Variants in AGL observed in about 807,000 individuals in gnomAD.
The protein encoded by AGL is amylo-alpha-1,6-glucosidase and 4-alpha-glucanotransferase.
Under a neutral mutation model 199.3 loss-of-function variants are expected in AGL, and 128 were observed. The ratio of observed to expected loss-of-function variants is 0.64; its 90% confidence interval spans 0.56 to 0.74. The LOEUF (loss-of-function observed/expected upper bound fraction) is 0.74. Ranked by LOEUF, AGL falls within the 30% of genes least tolerant of loss-of-function variation. The pLI is 0.00. For synonymous variants in AGL, 584 were observed against 594.7 expected, an observed-to-expected ratio of 0.98 and a Z score of 0.26; for missense variants, 1,809 against 1,820.8, an observed-to-expected ratio of 0.99 and a Z score of 0.12.
chr1:99,857,140 C>T (rs562338981), intron 2 of AGL, among the ~76,000 whole-genome samples: 5 of 151,690 alleles, frequency 3.3e-5, no homozygotes, highest in African/African-American at 4.8e-5. Flanking sequence ...CCAGTAGGGG[C>T]GGCCGGGCAG....
At position 99,877,680 on chromosome 1, in the gene AGL, G is replaced by C; in HGVS notation, c.1463G>C (p.Gly488Ala). 1 of 1,614,018 alleles carries C rather than the reference G, an allele frequency of 6.2e-7. No homozygotes were observed. Among genetic ancestry groups the C allele is most frequent in the East Asian group, 2.2e-5 (1 of 44,848 alleles). Residue 488 changes from glycine (G) to alanine (A), a missense_variant, in exon 12 of 34, where the codon GGA becomes GCA. Coordinates refer to ENST00000361915, the MANE Select transcript of AGL (RefSeq NM_000642.3). ...CTAAGGAGAGAACTTATTTGCTGGGGAGACAGTGTTAAATTACGCTATGGG... is the reference window on the plus strand; with the variant it reads ...CTAAGGAGAGAACTTATTTGCTGGGCAGACAGTGTTAAATTACGCTATGGG... Reference protein sequence around the residue: ...VYLRRELICWGDSVKLRYGNK... With the variant: ...VYLRRELICWADSVKLRYGNK...
intron 17 of AGL, among the ~76,000 whole-genome samples, chr1:99,882,136 CAA>C (rs761262994): frequency 6.6e-5 from 4 of 60,592 alleles, no homozygotes; most frequent in Admixed American, 1.8e-4. Flanking sequence ...GACCCTATCT[CAA>C]AAAAAAAAAA....
chr1:99,901,783 T>C (rs1275245002), intron 26 of AGL, among the ~76,000 whole-genome samples: 2 of 152,102 alleles, frequency 1.3e-5, no homozygotes, highest in South Asian at 2.1e-4. Context: ...GAGGGGATAG[T>C]AGCTTTGTAA....
At chr1:99,867,627 C>T (rs1247334836) in intron 5 of AGL, among the ~76,000 whole-genome samples, 2 of 151,422 alleles carry the variant, frequency 1.3e-5, no homozygotes, top group Non-Finnish European at 2.9e-5. Flanking sequence ...GCAGTCTTGG[C>T]TCACTGCAGC....
At chr1:99,904,107 T>C (rs1570490378) in intron 27 of AGL, among the ~76,000 whole-genome samples, 1 of 152,156 alleles carries the variant, frequency 6.6e-6, no homozygotes, top group Admixed American at 6.6e-5. Flanking sequence ...CAAAATACTT[T>C]TTGTAGAAAG....
chr1:99,857,851 G>GGGGGGGGAGGGT (rs1649690231), intron 2 of AGL, among the ~76,000 whole-genome samples: 1 of 133,078 alleles, frequency 7.5e-6, no homozygotes, highest in Admixed American at 7.5e-5. Context: ...AGGGGGAGGG[G>GGGGGGGGAGGGT]GGAAGAGGGA....
At position 99,912,458 on chromosome 1, in the gene AGL, T is replaced by G. The variant is rs749445010; in HGVS notation, c.3890T>G (p.Leu1297Trp). The G allele has an allele frequency of 2.9e-5, 46 of 1,613,974 alleles. No homozygotes were observed. Among genetic ancestry groups the G allele is most frequent in the Non-Finnish European group, 3.8e-5 (45 of 1,180,006 alleles). ...VGLSKSAVRW[L>W]LELSKKNIFP... is the part of the protein sequence containing the mutation. ...CTGAGTAAATCTGCTGTTCGCTGGT[T>G]GCTGGAATTATCCAAAAAAAATATT... The change falls in exon 29 of 34, where the codon TTG (leucine) becomes TGG (tryptophan). Residue 1297 changes from leucine to tryptophan, a missense_variant. Leu to Trp is a moderately conservative substitution (Grantham distance 61). Coordinates refer to ENST00000361915, the MANE Select transcript of AGL (RefSeq NM_000642.3).
chr1:99,874,672 TTTTC>T lies in AGL; in HGVS notation c.959-7_959-4del. On this transcript the variant is annotated splice_polypyrimidine_tract_variant and intron_variant, in intron 7 of 33. Transcript: ENST00000361915. ...AGATATTTGCATTTAAGGTATCGTC[TTTTC>T]TTTCTTTTAGAAAATAGGCGAGTAA... 6.2e-7 allele frequency: 1 copy of T among 1,605,844 alleles called. No individual in the cohort carries two copies. The highest frequency in any genetic ancestry group is 8.5e-7 in the Non-Finnish European group (1 of 1,173,138).
rs1557779933 is a variant in AGL, at chr1:99,900,680, T to G, written c.3407T>G (p.Ile1136Ser). 3 of 1,614,162 alleles carry G rather than the reference T, an allele frequency of 1.9e-6. No individual in the cohort carries two copies. Among genetic ancestry groups the G allele is most frequent in the Non-Finnish European group, 2.5e-6 (3 of 1,180,010 alleles). The part of the protein sequence containing the change: ...AFAGTLRHGL[I>S]PNLLGEGIYA... ...GCGGGTACCCTGAGGCATGGTCTCA[T>G]TCCTAATCTACTGGGTGAAGGAATT... The change falls in exon 26 of 34, where the codon ATT becomes AGT. Residue 1136 changes from isoleucine to serine, a missense_variant. Ile to Ser is a moderately radical substitution (Grantham distance 142, BLOSUM62 -2). Transcript: ENST00000361915.
At chr1:99,871,409 TGCC>T (rs1233780959) in intron 7 of AGL, among the ~76,000 whole-genome samples, 2 of 39,058 alleles carry the variant, frequency 5.1e-5, no homozygotes, top group South Asian at 9.7e-4. Flanking sequence ...GCAGTTAATG[TGCC>T]CCCCCCCCCC....
intron 27 of AGL, among the ~76,000 whole-genome samples, chr1:99,907,666 G>GT (rs1164517884): frequency 4.3e-5 from 4 of 92,002 alleles, no homozygotes; most frequent in African/African-American, 1.5e-4. Flanking sequence ...TTTGGTTTTT[G>GT]TTTTTGTTCG....
At position 99,879,999 on chromosome 1, in the gene AGL, T is replaced by A; in HGVS notation, c.1688T>A (p.Leu563Gln). Residue 563 changes from leucine to glutamine, a missense_variant, in exon 13 of 34, where the codon CTG becomes CAG. Coordinates refer to ENST00000361915, the MANE Select transcript of AGL (RefSeq NM_000642.3). ...GAACTGTTCACAGGAAGTGAAGATC[T>A]GGACAATGTCTTTGTTACTAGACTG... Reference protein sequence around the residue: ...VAELFTGSEDLDNVFVTRLGI... With the variant: ...VAELFTGSEDQDNVFVTRLGI... The A allele has an allele frequency of 6.2e-7, 1 of 1,613,802 alleles. No individual in the cohort carries two copies. Among genetic ancestry groups the A allele is most frequent in the East Asian group, 2.2e-5 (1 of 44,784 alleles).
Position 99,851,109 on chromosome 1 carries a change from T to G in AGL, c.67T>G (p.Phe23Val). 3 of 1,614,032 alleles carry G rather than the reference T, an allele frequency of 1.9e-6. No individual in the cohort carries two copies. The highest frequency in any genetic ancestry group is 2.5e-6 in the Non-Finnish European group (3 of 1,179,892). ...NEMEKLEKTLFRLEQGYELQF... is the reference protein window; with the variant it reads ...NEMEKLEKTLVRLEQGYELQF... ...AATGGAGAAACTGGAAAAGACCCTC[T>G]TCAGACTTGAACAAGGTCAGTAGCA... Residue 23 changes from phenylalanine to valine, a missense_variant, in exon 2 of 34, where the codon TTC becomes GTC. By Grantham distance (50) the Phe-to-Val change is conservative. Transcript: ENST00000361915.
chr1:99,883,624 A>G (rs1008752138), intron 17 of AGL, among the ~76,000 whole-genome samples: 9 of 152,132 alleles, frequency 5.9e-5, no homozygotes, highest in Non-Finnish European at 1.5e-5. Flanking sequence ...TAGGGAAAAT[A>G]ATATATGTTG....
intron 2 of AGL, among the ~76,000 whole-genome samples, chr1:99,854,203 A>AG (rs1649216731): frequency 6.6e-6 from 1 of 152,210 alleles, no homozygotes; most frequent in Admixed American, 6.5e-5. Flanking sequence ...TTAAAAAAAA[A>AG]TAAAAAATAA....
Position 99,923,351 on chromosome 1 carries a change from T to G in AGL, c.*1700T>G, listed in dbSNP as rs1655641260. The G allele has an allele frequency of 6.6e-6, 1 of 152,118 alleles. No individual in the cohort carries two copies. The highest frequency in any genetic ancestry group is 1.5e-5 in the Non-Finnish European group (1 of 68,004). The allele number at this position is 152,118 out of a possible 1,614,324, so 9.4% of individuals were successfully genotyped here. A position where few individuals can be genotyped will look rare whatever the true frequency, so the allele number is the denominator to read the frequency against. On this transcript the variant is annotated 3_prime_UTR_variant, in exon 34 of 34. Transcript: ENST00000361915. ...GTAGTTTTGTTGCTGTACCCTAACTTTGATATTCAGGGAGGTAGGAAAGGT... is the reference window on the plus strand; with the variant it reads ...GTAGTTTTGTTGCTGTACCCTAACTGTGATATTCAGGGAGGTAGGAAAGGT...
At chr1:99,906,284 A>G (rs111344294) in intron 27 of AGL, among the ~76,000 whole-genome samples, 4 of 152,184 alleles carry the variant, frequency 2.6e-5, no homozygotes, top group Non-Finnish European at 4.4e-5. Context: ...TTTTTTATCA[A>G]TACATAAGAG....
rs1654915319 is a variant in AGL, at chr1:99,913,692, GGT to G, written c.4119_4120del (p.Cys1373Ter). On this transcript the variant is annotated frameshift_variant, in exon 30 of 34. Transcript: ENST00000361915. LOFTEE classifies it high-confidence loss of function. ...GATAGTTATGGAGCTTCAAGTCCTTGGTGTGACTATCAGCTCAGGCCTAATTT... is the reference window on the plus strand; with the variant it reads ...GATAGTTATGGAGCTTCAAGTCCTTGGTGACTATCAGCTCAGGCCTAATTT... 1 of 1,613,942 alleles carries G rather than the reference GGT, an allele frequency of 6.2e-7. No individual in the cohort carries two copies. The highest frequency in any genetic ancestry group is 1.3e-5 in the African/African-American group (1 of 74,920).
intron 24 of AGL, among the ~76,000 whole-genome samples, chr1:99,895,804 A>G (rs1229831289): frequency 6.6e-6 from 1 of 152,148 alleles, no homozygotes; most frequent in African/African-American, 2.4e-5. Context: ...GCAAAACCTC[A>G]TTCTCTACAA....
Sources: gnomAD v4.1 joint callset for allele counts (sites outside exome capture counted in the v4.1 genomes callset) on GRCh38, gnomAD v4.1.1 for gene constraint, MANE v1.5 for transcripts, NCBI Gene and HGNC (gene_info 2026-07-23, HGNC 2026-07-21) for gene names.